Variants in PARD3B observed in about 807,000 individuals in gnomAD.
PARD3B encodes the protein par-3 family cell polarity regulator beta.
PARD3B carries 103 observed loss-of-function variants against 130.2 expected under a neutral mutation model. The ratio of observed to expected loss-of-function variants is 0.79; its 90% confidence interval spans 0.67 to 0.93. The LOEUF (loss-of-function observed/expected upper bound fraction) is 0.93. Ranked by LOEUF, PARD3B falls within the 40% of genes least tolerant of loss-of-function variation. The probability of loss-of-function intolerance (pLI) is 0.00; values close to 1 mark genes in which losing one functional copy is unlikely to be tolerated. For synonymous variants in PARD3B, 583 were observed against 553.2 expected, an observed-to-expected ratio of 1.05 and a Z score of -0.76; for missense variants, 1,609 against 1,499.2, an observed-to-expected ratio of 1.07 and a Z score of -1.21.
chr2:205,193,946 G>A (rs922472578), intron 15 of PARD3B, among the ~76,000 whole-genome samples: 3 of 152,154 alleles, frequency 2.0e-5, no homozygotes, highest in African/African-American at 7.2e-5. Flanking sequence ...GGGGAACTTC[G>A]TGGTGACTGT....
intron 2 of PARD3B, among the ~76,000 whole-genome samples, chr2:204,705,721 C>CT (rs1232838556): frequency 2.0e-5 from 3 of 152,248 alleles, no homozygotes; most frequent in Non-Finnish European, 4.4e-5. Flanking sequence ...CTTGGGAAAA[C>CT]TACAGTTTTA....
At chr2:205,401,256 C>G in intron 19 of PARD3B, 133 bp downstream of exon 19, 1 of 651,744 alleles carries the variant, frequency 1.5e-6, no homozygotes, top group South Asian at 2.9e-5. Context: ...GGAAAGGTGT[C>G]TGATACAAAA....
rs1373798598 is a variant in PARD3B at position 204,951,412 on chromosome 2, C to T, written c.223-13740C>T. 2.0e-5 allele frequency among the ~76,000 whole-genome samples: 3 copies of T among 152,114 alleles called. No homozygotes were observed. In the East Asian group the frequency reaches 5.8e-4, roughly 29 times the overall value. On this transcript the variant is annotated intron_variant, in intron 2 of 22. Coordinates refer to ENST00000406610, the MANE Select transcript of PARD3B (RefSeq NM_001302769.2). ...CCTTCAACTGAACAGTACCTAAAAT[C>T]GTCCTGCCAGCAAATACACCTCTGA...
intron 2 of PARD3B, among the ~76,000 whole-genome samples, chr2:204,945,604 T>G (rs1028760630): frequency 3.3e-5 from 5 of 152,234 alleles, no homozygotes; most frequent in Non-Finnish European, 4.4e-5. Flanking sequence ...CTGATTGCGC[T>G]GCAAGCCTAG....
At chr2:205,517,448 G>A (rs2050838298) in intron 21 of PARD3B, among the ~76,000 whole-genome samples, 1 of 151,968 alleles carries the variant, frequency 6.6e-6, no homozygotes, top group African/African-American at 2.4e-5. Flanking sequence ...TTGTAATTGT[G>A]TTTATTTGGA....
intron 18 of PARD3B, among the ~76,000 whole-genome samples, chr2:205,349,820 T>TTA (rs1553682358): frequency 5.7e-5 from 8 of 139,556 alleles, no homozygotes; most frequent in African/African-American, 2.2e-4. Context: ...TTTTTTTTTT[T>TTA]AAAAAAAGAG....
chr2:204,700,882 C>T (rs1210052180), intron 2 of PARD3B, among the ~76,000 whole-genome samples: 2 of 151,618 alleles, frequency 1.3e-5, no homozygotes, highest in Admixed American at 1.3e-4. Flanking sequence ...CTGTTAAACC[C>T]AACACTACTA....
intron 22 of PARD3B, among the ~76,000 whole-genome samples, chr2:205,606,982 T>C (rs2055023252): frequency 1.3e-5 from 2 of 152,136 alleles, no homozygotes; most frequent in Admixed American, 1.3e-4. Flanking sequence ...ATCTGTGTTA[T>C]TCAATAAAGA....
At position 205,274,305 on chromosome 2, in the gene PARD3B, A is replaced by G. The variant is rs1177677404; in HGVS notation, c.2186-26225A>G. 1.3e-5 allele frequency among the ~76,000 whole-genome samples: 2 copies of G among 152,114 alleles called. No individual in the cohort carries two copies. Among genetic ancestry groups the G allele is most frequent in the African/African-American group, 4.8e-5 (2 of 41,440 alleles). ...TAGCATATTGGTATTAGGATATACTATATACTTGAAACTTAGAAAATTTGC... is the reference window on the plus strand; with the variant it reads ...TAGCATATTGGTATTAGGATATACTGTATACTTGAAACTTAGAAAATTTGC... On this transcript the variant is annotated intron_variant, in intron 16 of 22. Transcript: ENST00000406610. This position sits in a 1 kb window ranked among gnomAD's most constrained non-coding sequence, Gnocchi z 4.2.
At chr2:205,445,381 G>A (rs1170475289) in intron 20 of PARD3B, among the ~76,000 whole-genome samples, 1 of 152,168 alleles carries the variant, frequency 6.6e-6, no homozygotes, top group Non-Finnish European at 1.5e-5. Context: ...TCACAGTTCT[G>A]CAGGCTGTCC....
intron 1 of PARD3B, 86 bp downstream of exon 1, chr2:204,546,205 A>C: frequency 6.6e-7 from 1 of 1,524,028 alleles, no homozygotes; most frequent in Non-Finnish European, 8.9e-7. Context: ...GGGGATGCAG[A>C]AAACCCAGGG....
At chr2:205,333,289 A>G (rs1209464607) in intron 18 of PARD3B, among the ~76,000 whole-genome samples, 2 of 151,038 alleles carry the variant, frequency 1.3e-5, no homozygotes, top group Non-Finnish European at 3.0e-5. Flanking sequence ...AGGGGAGCTA[A>G]AAGAGTAAAA....
At chr2:205,501,489 G>T (rs1248785955) in intron 21 of PARD3B, among the ~76,000 whole-genome samples, 1 of 152,136 alleles carries the variant, frequency 6.6e-6, no homozygotes, top group Admixed American at 6.6e-5. Flanking sequence ...GATCGAGATC[G>T]ATTTACTGCC....
chr2:204,874,103 A>G (rs1448902323), intron 2 of PARD3B, among the ~76,000 whole-genome samples: 3 of 152,206 alleles, frequency 2.0e-5, no homozygotes, highest in Non-Finnish European at 4.4e-5. Context: ...AGATTGCACC[A>G]TCGTACTCCC....
At chr2:204,810,230 C>T (rs750954016) in intron 2 of PARD3B, among the ~76,000 whole-genome samples, 9 of 151,982 alleles carry the variant, frequency 5.9e-5, no homozygotes, top group Non-Finnish European at 1.2e-4. Flanking sequence ...TTTAGGTATG[C>T]GTTATTTCTT....
chr2:204,819,361 C>T (rs901508179), intron 2 of PARD3B, among the ~76,000 whole-genome samples: 1 of 152,176 alleles, frequency 6.6e-6, no homozygotes, highest in Non-Finnish European at 1.5e-5. Context: ...TTTGGTGTTA[C>T]TACTGTAATT....
chr2:204,861,838 C>T (rs1172206735), intron 2 of PARD3B, among the ~76,000 whole-genome samples: 2 of 135,694 alleles, frequency 1.5e-5, no homozygotes, highest in African/African-American at 5.6e-5. Context: ...ACTCAATTAC[C>T]AAAATGAAAT....
chr2:205,235,697 C>T (rs2039032305), intron 15 of PARD3B, among the ~76,000 whole-genome samples: 1 of 152,172 alleles, frequency 6.6e-6, no homozygotes, highest in South Asian at 2.1e-4. Context: ...TTTCATCACA[C>T]TACTCAGAAC....
At chr2:204,824,571 G>T (rs1363019319) in intron 2 of PARD3B, among the ~76,000 whole-genome samples, 1 of 152,092 alleles carries the variant, frequency 6.6e-6, no homozygotes, top group African/African-American at 2.4e-5. Flanking sequence ...AAATAGAGCT[G>T]CCAGAACTTC....
Sources: allele counts gnomAD v4.1 joint callset (sites outside exome capture counted in the v4.1 genomes callset), GRCh38; gene constraint gnomAD v4.1.1; non-coding constraint Gnocchi (gnomAD v3.1); transcripts MANE v1.5; gene names NCBI Gene and HGNC (gene_info 2026-07-23, HGNC 2026-07-21).